KNTC1: variants seen among roughly 807,000 people sequenced by gnomAD.
KNTC1 encodes kinetochore associated 1.
In KNTC1, 253 loss-of-function variants were observed where a neutral mutation model predicts 314.4. That is an observed-to-expected ratio of 0.80 (90% CI 0.73 to 0.89). The LOEUF is 0.89. Among genes scored for constraint, KNTC1 ranks in the 40% least tolerant of loss-of-function variants. The pLI, the probability that KNTC1 is intolerant of heterozygous loss-of-function variation, is 0.00. For missense variants in KNTC1, 2,475 were observed against 2,572.9 expected, an observed-to-expected ratio of 0.96 and a Z score of 0.82; for synonymous variants, 901 against 901.4, an observed-to-expected ratio of 1.00 and a Z score of 0.01.
chr12:122,618,959 T>C (rs901940738), intron 59 of KNTC1, among the ~76,000 whole-genome samples: 3 of 151,366 alleles, frequency 2.0e-5, no homozygotes, highest in Admixed American at 6.6e-5. Flanking sequence ...TTATTTGTAA[T>C]TTTATTAGAG....
chr12:122,571,351 A>ATATT (rs1034003986), intron 24 of KNTC1, among the ~76,000 whole-genome samples: 13 of 150,672 alleles, frequency 8.6e-5, no homozygotes, highest in Non-Finnish European at 1.6e-4. Flanking sequence ...ATTTATTTAT[A>ATATT]TATTTATTTA....
At chr12:122,595,580 G>A (rs1204224627) in intron 43 of KNTC1, among the ~76,000 whole-genome samples, 2 of 152,138 alleles carry the variant, frequency 1.3e-5, no homozygotes, top group Non-Finnish European at 2.9e-5. Context: ...GAAAGACCGT[G>A]GCTGTCACCA....
rs1377407657 is a variant in KNTC1, at chr12:122,584,356, G to A, written c.3342G>A (p.Leu1114=). The change falls in exon 35 of 64, where the codon TTG becomes TTA. Residue 1114 remains leucine (L), a synonymous_variant. Transcript: ENST00000333479. The part of the protein sequence containing the change: ...FLTCQKLCQM[L]ADNVPVTVPV... ...CATGTCAGAAGCTTTGTCAGATGTT[G>A]GCTGATAATGTCCCAGTGACAGTGC... The A allele has an allele frequency of 6.2e-7, 1 of 1,613,560 alleles. No individual in the cohort carries two copies. The highest frequency in any genetic ancestry group is 2.2e-5 in the East Asian group (1 of 44,876).
chr12:122,534,873 C>A, intron 3 of KNTC1, 89 bp downstream of exon 3: 2 of 1,258,320 alleles, frequency 1.6e-6, no homozygotes, highest in South Asian at 2.6e-5. Context: ...CTCTTTACTC[C>A]ATTATTTCTA....
At chr12:122,585,051 T>C (rs1375920693) in intron 36 of KNTC1, 61 bp downstream of exon 36, 28 of 948,052 alleles carry the variant, frequency 3.0e-5, no homozygotes, top group Non-Finnish European at 4.4e-5. Context: ...ACCTTTTTTT[T>C]TTTTCGGACA....
chr12:122,546,341 C>G, intron 9 of KNTC1, 72 bp downstream of exon 9: 1 of 910,898 alleles, frequency 1.1e-6, no homozygotes, highest in East Asian at 2.6e-5. Flanking sequence ...TGTACTTAGA[C>G]TGACATATGG....
At chr12:122,601,462 G>A in intron 44 of KNTC1, 74 bp from the exon 45 acceptor site, 1 of 1,224,330 alleles carries the variant, frequency 8.2e-7, no homozygotes, top group Non-Finnish European at 1.1e-6. Context: ...AATCTGTGCT[G>A]ATTATTGTAA....
chr12:122,609,308 G>T, intron 51 of KNTC1, 76 bp from the exon 52 acceptor site: 1 of 855,410 alleles, frequency 1.2e-6, no homozygotes, highest in South Asian at 1.6e-5. Flanking sequence ...TTATCTAATA[G>T]ATTTTCAGAG....
chr12:122,534,493 A>G (rs76249155), intron 2 of KNTC1, among the ~76,000 whole-genome samples, 171 bp from the exon 3 acceptor site: 7,823 of 152,274 alleles, frequency 0.051, 640 homozygotes, highest in African/African-American at 0.18. Context: ...GATGGATTCA[A>G]GATATACCAT....
At position 122,626,218 on chromosome 12, in the gene KNTC1, G is replaced by A. The variant is rs1188715553; in HGVS notation, c.6620G>A (p.Gly2207Glu). ...PCEILKMFLS[G>E]LS Reference sequence around the variant, plus strand: ...CTTCCCATTTAGATGTTTCTTAGTGGATTATCGTAAATCACTGAACCTTTT... The same window carrying A: ...CTTCCCATTTAGATGTTTCTTAGTGAATTATCGTAAATCACTGAACCTTTT... The change falls in exon 64 of 64, where the codon GGA becomes GAA. Residue 2207 changes from glycine to glutamate, a missense_variant. Coordinates refer to ENST00000333479, the MANE Select transcript of KNTC1 (RefSeq NM_014708.6). 6.3e-7 allele frequency: 1 copy of A among 1,589,116 alleles called. No individual in the cohort carries two copies. Among genetic ancestry groups the A allele is most frequent in the South Asian group, 1.1e-5 (1 of 88,996 alleles).
chr12:122,538,436 A>G lies in KNTC1; in HGVS notation c.348A>G (p.Lys116=), dbSNP rs1332910662. 1 of 1,567,956 alleles carries G rather than the reference A, an allele frequency of 6.4e-7. No homozygotes were observed. Among genetic ancestry groups the G allele is most frequent in the Non-Finnish European group, 8.7e-7 (1 of 1,146,614 alleles). ...GNLHLIHVTS[K]QTLLTNAFVQ... is the part of the protein sequence containing the mutation. ...TACATCTTATTCATGTAACATCAAA[A>G]CAAACACTACTCACTAATGTAAGAT... is the stretch of plus-strand genomic sequence containing the variant. The change falls in exon 4 of 64, where the codon AAA becomes AAG. Residue 116 remains lysine (K), a synonymous_variant. Coordinates refer to ENST00000333479, the MANE Select transcript of KNTC1 (RefSeq NM_014708.6).
In KNTC1 at chr12:122,622,601, A is replaced by G; in HGVS notation, c.6509A>G (p.Asp2170Gly). The change falls in exon 62 of 64, where the codon GAC (aspartate) becomes GGC (glycine). Residue 2170 changes from aspartate (D) to glycine (G), a missense_variant. Coordinates refer to ENST00000333479, the MANE Select transcript of KNTC1 (RefSeq NM_014708.6). ...GAGCTAGTGAACTATTTGGCAAATG[A>G]CTTAAGGTAAGTTAATTAAAAAAAA... The part of the protein sequence containing the change: ...ITELVNYLAN[D>G]LSLDEASVLI... 6.6e-7 allele frequency: 1 copy of G among 1,518,874 alleles called. No individual in the cohort carries two copies. Among genetic ancestry groups the G allele is most frequent in the Non-Finnish European group, 8.8e-7 (1 of 1,136,046 alleles). The allele number at this position is 1,518,874 out of a possible 1,614,324, so 94.1% of individuals were successfully genotyped here. A position where few individuals can be genotyped will look rare whatever the true frequency, so the allele number is the denominator to read the frequency against.
chr12:122,604,792 G>A, intron 49 of KNTC1, 85 bp from the exon 50 acceptor site: 1 of 1,344,262 alleles, frequency 7.4e-7, no homozygotes, highest in Non-Finnish European at 1.0e-6. Context: ...AAGGGGGGAG[G>A]GATTGTGATT....
At chr12:122,596,063 C>T (rs1368449245) in intron 43 of KNTC1, among the ~76,000 whole-genome samples, 10 of 144,828 alleles carry the variant, frequency 6.9e-5, no homozygotes, top group African/African-American at 2.5e-5. Flanking sequence ...GTCATTTTGT[C>T]TATAGTAACC....
Position 122,538,455 on chromosome 12 carries a change from G to GCTTA in KNTC1, c.366+1_366+2insCTTA. 6.9e-7 allele frequency: 1 copy of GCTTA among 1,443,068 alleles called. No individual in the cohort carries two copies. The highest frequency in any genetic ancestry group is 1.4e-5 in the African/African-American group (1 of 70,896). 89.4% of individuals were successfully genotyped at this position (1,443,068 alleles called of 1,614,324 possible). The stretch of plus-strand genomic sequence containing the variant: ...ATCAAAACAAACACTACTCACTAAT[G>GCTTA]TAAGATCTTGTTGTATTTTAATTTT... On this transcript the variant is annotated splice_donor_variant, in intron 4 of 63. Coordinates refer to ENST00000333479, the MANE Select transcript of KNTC1 (RefSeq NM_014708.6). LOFTEE classifies it high-confidence loss of function.
At chr12:122,532,232 C>T (rs1446291250) in intron 2 of KNTC1, among the ~76,000 whole-genome samples, 8 of 118,934 alleles carry the variant, frequency 6.7e-5, no homozygotes, top group Non-Finnish European at 1.2e-4. Context: ...TTTTTTGAGA[C>T]GAACTCTTGC....
At chr12:122,581,654 C>G (rs189262116) in intron 33 of KNTC1, among the ~76,000 whole-genome samples, 1 of 151,996 alleles carries the variant, frequency 6.6e-6, no homozygotes, top group East Asian at 1.9e-4. Context: ...GCCACCACAC[C>G]TAGCTAGTTT....
intron 57 of KNTC1, among the ~76,000 whole-genome samples, chr12:122,617,817 G>T (rs1370916200): frequency 6.6e-6 from 1 of 152,176 alleles, no homozygotes; most frequent in East Asian, 1.9e-4. Context: ...CCATTTAACA[G>T]CGGCCTCTAG....
intron 15 of KNTC1, 31 bp from the exon 16 acceptor site, chr12:122,551,590 A>T (rs1963203943): frequency 6.2e-7 from 1 of 1,607,230 alleles, no homozygotes; most frequent in African/African-American, 1.3e-5. Flanking sequence ...AATAATAAGC[A>T]TTTAACAAAA....
Sources: allele counts gnomAD v4.1 joint callset (sites outside exome capture counted in the v4.1 genomes callset), GRCh38; gene constraint gnomAD v4.1.1; transcripts MANE v1.5; gene names NCBI Gene and HGNC (gene_info 2026-07-23, HGNC 2026-07-21).